The following RAB3GAP2 variants were observed in gnomAD, a reference collection of about 807,000 sequenced individuals.
RAB3GAP2 encodes the protein rab3 GTPase-activating protein non-catalytic subunit.
RAB3GAP2 carries 87 observed loss-of-function variants against 185.3 expected under a neutral mutation model. The ratio of observed to expected loss-of-function variants is 0.47; its 90% CI spans 0.39 to 0.56. The LOEUF (loss-of-function observed/expected upper bound fraction) is 0.56. Among genes scored for constraint, RAB3GAP2 ranks in the 20% least tolerant of loss-of-function variants. The probability of loss-of-function intolerance (pLI) is 0.00; values close to 1 mark genes in which losing one functional copy is unlikely to be tolerated. For missense variants in RAB3GAP2, 1,492 were observed against 1,638.2 expected (o/e 0.91, Z 1.54); for synonymous variants, 554 against 576.1 (o/e 0.96, Z 0.55).
chr1:220,245,518 C>T (rs910829277), intron 1 of RAB3GAP2, among the ~76,000 whole-genome samples: 2 of 151,998 alleles, frequency 1.3e-5, no homozygotes, highest in Non-Finnish European at 2.9e-5. Flanking sequence ...GAGGGTCCTA[C>T]GCCCATGGAA....
rs374125147 is a variant in RAB3GAP2, at chr1:220,157,445, G to C, written c.3380C>G (p.Thr1127Ser). Residue 1127 changes from threonine to serine, a missense_variant, in exon 31 of 35, where the codon ACT becomes AGT. Thr to Ser is a moderately conservative substitution (Grantham distance 58, BLOSUM62 1). Transcript: ENST00000358951. ...RDEIQVPVLD[T>S]EDAWLSVEGP... ...TTCCACGGAGAGCCACGCATCCTCA[G>C]TATCCAGCACAGGCACCTGTATTTC... 23 of 1,613,944 alleles carry C rather than the reference G, an allele frequency of 1.4e-5. No individual in the cohort carries two copies. The African/African-American group carries it at 1.7e-4, about 12-fold the overall frequency.
chr1:220,206,058 T>G lies in RAB3GAP2; in HGVS notation c.613-52A>C, dbSNP rs549694728. 40 of 1,132,420 alleles carry G rather than the reference T, an allele frequency of 3.5e-5. No homozygotes were observed. The African/African-American group carries it at 5.4e-4, about 15-fold the overall frequency. The allele number at this position is 1,132,420 out of a possible 1,614,324, so 70.1% of individuals were successfully genotyped here. A position where few individuals can be genotyped will look rare whatever the true frequency, so the allele number is the denominator to read the frequency against. On this transcript the variant is annotated intron_variant, in intron 7 of 34. Coordinates refer to ENST00000358951, the MANE Select transcript of RAB3GAP2 (RefSeq NM_012414.4). ...TCTTGAATAGATAAATAAGCTTATC[T>G]ACTTTTTATTATACTGAATTTCACG...
At chr1:220,230,832 C>G (rs1659486673) in intron 2 of RAB3GAP2, among the ~76,000 whole-genome samples, 2 of 152,102 alleles carry the variant, frequency 1.3e-5, no homozygotes, top group South Asian at 2.1e-4. Flanking sequence ...CACACCACAC[C>G]CCAGATCAAA....
At chr1:220,268,375 G>A (rs1362881137) in intron 1 of RAB3GAP2, among the ~76,000 whole-genome samples, 16 of 152,176 alleles carry the variant, frequency 1.1e-4, no homozygotes, top group Admixed American at 1.0e-3. Flanking sequence ...ATGAAGGGTT[G>A]AAAATATCTC....
chr1:220,238,753 A>G (rs776209276), intron 1 of RAB3GAP2, among the ~76,000 whole-genome samples: 10 of 152,210 alleles, frequency 6.6e-5, no homozygotes, highest in Non-Finnish European at 1.0e-4. Context: ...GTTTTCTTGC[A>G]TCCACCAATG....
chr1:220,189,693 A>G lies in RAB3GAP2; in HGVS notation c.1779+10T>C, dbSNP rs1381576862. ...ACTAGCAGGAAAGTTCGTGTATTAT[A>G]TACACTTACTTGTTTTTTGGTTGCA... On this transcript the variant is annotated intron_variant, in intron 17 of 34. Transcript: ENST00000358951. The G allele has an allele frequency of 6.4e-7, 1 of 1,561,210 alleles. No homozygotes were observed. The highest frequency in any genetic ancestry group is 2.3e-5 in the East Asian group (1 of 44,042).
Position 220,182,733 on chromosome 1 carries a change from C to A in RAB3GAP2, c.2197G>T (p.Glu733Ter). 6.2e-7 allele frequency: 1 copy of A among 1,601,260 alleles called. No individual in the cohort carries two copies. Among genetic ancestry groups the A allele is most frequent in the Non-Finnish European group, 8.5e-7 (1 of 1,175,558 alleles). ...VLNIKKISEE[E>*]YVALGSFFFW... The stretch of plus-strand genomic sequence containing the variant: ...TTTTACCTACCTAAAGCCACATATT[C>A]CTCTTCACTTATTTTCTTTATGTTG... Residue 733 changes from glutamate to a stop codon, truncating the protein, a stop_gained, in exon 20 of 35, where the codon GAA becomes TAA. Transcript: ENST00000358951. LOFTEE classifies it high-confidence loss of function.
In RAB3GAP2 at chr1:220,151,205, C is replaced by T. The variant is rs758396453; in HGVS notation, c.*46G>A. The T allele has an allele frequency of 5.7e-6, 9 of 1,581,342 alleles. No individual in the cohort carries two copies. In the Admixed American group the frequency reaches 1.5e-4, roughly 26 times the overall value. ...TACTATGTAAAATAACCATGCACTACTTCATGTTATAATCATAATTTTAGA... is the reference window on the plus strand; with the variant it reads ...TACTATGTAAAATAACCATGCACTATTTCATGTTATAATCATAATTTTAGA... On this transcript the variant is annotated 3_prime_UTR_variant, in exon 35 of 35. Transcript: ENST00000358951.
At chr1:220,271,868 C>A (rs1660339066) in intron 1 of RAB3GAP2, among the ~76,000 whole-genome samples, 1 of 132,804 alleles carries the variant, frequency 7.5e-6, no homozygotes, top group Non-Finnish European at 1.5e-5. Flanking sequence ...AGGGAACGAC[C>A]CCAGGCTGAA....
chr1:220,247,746 T>TAA (rs1285968255), intron 1 of RAB3GAP2, among the ~76,000 whole-genome samples: 11 of 152,106 alleles, frequency 7.2e-5, no homozygotes, highest in African/African-American at 2.7e-4. Flanking sequence ...CCCAAACTGT[T>TAA]GAAATTTTAA....
chr1:220,253,955 C>A, intron 1 of RAB3GAP2: 1 of 1,613,586 alleles, frequency 6.2e-7, no homozygotes, highest in East Asian at 2.2e-5. Flanking sequence ...ACCAGTGAGA[C>A]CCCTCAGCCT....
chr1:220,193,398 T>C lies in RAB3GAP2; in HGVS notation c.1131-19A>G. The C allele has an allele frequency of 1.2e-6, 2 of 1,610,680 alleles. No individual in the cohort carries two copies. The highest frequency in any genetic ancestry group is 1.7e-6 in the Non-Finnish European group (2 of 1,178,128). ...TCCAAATCTGATATTTAAAAGAAAA[T>C]AAAATGCTCAAATCACATTCCAGTT... On this transcript the variant is annotated intron_variant, in intron 12 of 34. Coordinates refer to ENST00000358951, the MANE Select transcript of RAB3GAP2 (RefSeq NM_012414.4).
chr1:220,187,016 C>A (rs1258135322), intron 17 of RAB3GAP2, among the ~76,000 whole-genome samples: 2 of 152,138 alleles, frequency 1.3e-5, no homozygotes, highest in Non-Finnish European at 2.9e-5. Flanking sequence ...ATGGAAGACA[C>A]AATTAAAAGT....
chr1:220,190,998 G>T, intron 14 of RAB3GAP2, 70 bp downstream of exon 14: 1 of 1,403,594 alleles, frequency 7.1e-7, no homozygotes, highest in Non-Finnish European at 1.0e-6. Context: ...CTTTAGTAAA[G>T]CTTTATTTTA....
At chr1:220,174,364 C>T (rs991106704) in intron 21 of RAB3GAP2, among the ~76,000 whole-genome samples, 1 of 151,976 alleles carries the variant, frequency 6.6e-6, no homozygotes, top group African/African-American at 2.4e-5. Flanking sequence ...CCCTTTTTAC[C>T]TCATCCCATA....
At chr1:220,252,424 G>A (rs1468779648) in intron 1 of RAB3GAP2, among the ~76,000 whole-genome samples, 1 of 152,192 alleles carries the variant, frequency 6.6e-6, no homozygotes, top group Non-Finnish European at 1.5e-5. Context: ...AGAAGCAGCT[G>A]TGGTCTGTGG....
chr1:220,163,744 C>CATACATACATATATATATAT (rs775527991), intron 27 of RAB3GAP2, among the ~76,000 whole-genome samples: 1 of 123,024 alleles, frequency 8.1e-6, no homozygotes, highest in African/African-American at 3.1e-5. Context: ...TAAATACATA[C>CATACATACATATATATATAT]ATATATATAT....
intron 21 of RAB3GAP2, among the ~76,000 whole-genome samples, chr1:220,181,378 T>TG (rs1658401495): frequency 6.6e-6 from 1 of 152,134 alleles, no homozygotes; most frequent in Non-Finnish European, 1.5e-5. Context: ...CTTCCATGGG[T>TG]GCTGAGGGAC....
chr1:220,267,993 T>G, intron 1 of RAB3GAP2: 1 of 552,054 alleles, frequency 1.8e-6, no homozygotes, highest in Non-Finnish European at 3.2e-6. Context: ...CTGATACACC[T>G]CTATAATTCA....
Sources: gnomAD v4.1 joint callset for allele counts (sites outside exome capture counted in the v4.1 genomes callset) on GRCh38, gnomAD v4.1.1 for gene constraint, MANE v1.5 for transcripts, NCBI Gene and HGNC (gene_info 2026-07-23, HGNC 2026-07-21) for gene names.